GBP2: variants seen among roughly 807,000 people sequenced by gnomAD.
GBP2 encodes guanylate-binding protein 2.
Under a neutral mutation model 60.8 loss-of-function variants are expected in GBP2, and 54 were observed. The ratio of observed to expected loss-of-function variants is 0.89; its 90% CI spans 0.71 to 1.11. GBP2 has a LOEUF of 1.11. Among genes scored for constraint, GBP2 ranks in the 50% most tolerant of loss-of-function variants. The pLI is 0.00. For missense variants in GBP2, 665 were observed against 703.3 expected (o/e 0.95, Z 0.62); for synonymous variants, 243 against 256.5 (o/e 0.95, Z 0.50).
chr1:89,121,880 C>A lies in GBP2; in HGVS notation c.87G>T (p.Lys29Asn). 3.7e-6 allele frequency: 6 copies of A among 1,614,110 alleles called. No homozygotes were observed. Among genetic ancestry groups the A allele is most frequent in the Non-Finnish European group, 5.1e-6 (6 of 1,179,982 alleles). ...CAGGCTGCGTAATTGCAGATAGGATCTTCAGAGCTTCTGGATTCACCACCA... is the reference window on the plus strand; with the variant it reads ...CAGGCTGCGTAATTGCAGATAGGATATTCAGAGCTTCTGGATTCACCACCA... The part of the protein sequence containing the change: ...GQLVVNPEAL[K>N]ILSAITQPVV... Residue 29 changes from lysine (K) to asparagine (N), a missense_variant, in exon 2 of 11, where the codon AAG becomes AAT. Lys to Asn is a moderately conservative substitution (Grantham distance 94). Transcript: ENST00000370466.
chr1:89,114,112 C>A lies in GBP2; in HGVS notation c.1053G>T (p.Leu351=). Reference sequence around the variant, plus strand: ...TCTCACTGTCCCTGTGCAGGTCCAGCAGCTCCTGGAGGGTTTCCGTGGGCA... The same window carrying A: ...TCTCACTGTCCCTGTGCAGGTCCAGAAGCTCCTGGAGGGTTTCCGTGGGCA... The part of the protein sequence containing the change: ...VQLPTETLQE[L]LDLHRDSERE... The change falls in exon 7 of 11, where the codon CTG becomes CTT. Residue 351 remains leucine, a synonymous_variant. Transcript: ENST00000370466. 4 of 1,614,210 alleles carry A rather than the reference C, an allele frequency of 2.5e-6. No homozygotes were observed. The highest frequency in any genetic ancestry group is 3.4e-6 in the Non-Finnish European group (4 of 1,180,034).
intron 10 of GBP2, 104 bp downstream of exon 10, chr1:89,109,573 T>G (rs751335893): frequency 3.4e-5 from 30 of 872,038 alleles, no homozygotes; most frequent in Non-Finnish European, 5.2e-5. Context: ...TGTAGTAGTG[T>G]CTGGGCTAGA....
chr1:89,126,067 C>G lies in GBP2; in HGVS notation c.-222G>C, dbSNP rs950063444. ...GGCTCTGTCAATGTCAGAGACCTGA[C>G]GAGAGACAAGAAAAAGAGGTAACCT... On this transcript the variant is annotated 5_prime_UTR_variant, in exon 1 of 11. Coordinates refer to ENST00000370466, the MANE Select transcript of GBP2 (RefSeq NM_004120.5). 1 of 152,110 alleles carries G rather than the reference C, an allele frequency of 6.6e-6. No individual in the cohort carries two copies. Among genetic ancestry groups the G allele is most frequent in the African/African-American group, 2.4e-5 (1 of 41,398 alleles). The allele number at this position is 152,110 out of a possible 1,614,324, so 9.4% of individuals were successfully genotyped here.
Position 89,109,770 on chromosome 1 carries a change from A to G in GBP2, c.1566T>C (p.Tyr522=). The part of the protein sequence containing the change: ...EEMMEQKEKS[Y]QEHVKQLTEK... ...CAGTCAATTGTTTCACATGTTCCTG[A>G]TAACTCTTCTCTTTCTGTTCCATCA... is the stretch of plus-strand genomic sequence containing the variant. Residue 522 remains tyrosine (Y), a synonymous_variant, in exon 10 of 11, where the codon TAT becomes TAC. Transcript: ENST00000370466. The G allele has an allele frequency of 1.2e-6, 2 of 1,614,022 alleles. No homozygotes were observed. The highest frequency in any genetic ancestry group is 2.7e-5 in the African/African-American group (2 of 75,042).
intron 3 of GBP2, 98 bp from the exon 4 acceptor site, chr1:89,120,386 A>C: frequency 6.1e-6 from 6 of 985,996 alleles, no homozygotes; most frequent in East Asian, 2.4e-5. Flanking sequence ...TCTGTCTCTC[A>C]TTAGTTCTGA....
rs1681132868 is a variant in GBP2, at chr1:89,110,075, T to G, written c.1465+89A>C. 7.8e-6 allele frequency: 8 copies of G among 1,019,130 alleles called. No homozygotes were observed. In the South Asian group the frequency reaches 1.1e-4, roughly 14 times the overall value. 63.1% of individuals were successfully genotyped at this position (1,019,130 alleles called of 1,614,324 possible). A position where few individuals can be genotyped will look rare whatever the true frequency, so the allele number is the denominator to read the frequency against. ...TATGAATGATACTTGCCATTCTTTCTCTACAATAATAATTCCAGGTGGACC... is the reference window on the plus strand; with the variant it reads ...TATGAATGATACTTGCCATTCTTTCGCTACAATAATAATTCCAGGTGGACC... On this transcript the variant is annotated intron_variant, in intron 9 of 10. Coordinates refer to ENST00000370466, the MANE Select transcript of GBP2 (RefSeq NM_004120.5).
intron 6 of GBP2, among the ~76,000 whole-genome samples, chr1:89,115,101 C>G (rs1681242439): frequency 6.6e-6 from 1 of 152,154 alleles, no homozygotes; most frequent in Non-Finnish European, 1.5e-5. Context: ...ACTATTTCTC[C>G]TCTTGATGCT....
At chr1:89,115,322 G>A (rs959539752) in intron 6 of GBP2, among the ~76,000 whole-genome samples, 3 of 152,018 alleles carry the variant, frequency 2.0e-5, no homozygotes, top group Non-Finnish European at 4.4e-5. Context: ...CCCATTTATG[G>A]CTCAACCACT....
Position 89,117,672 on chromosome 1 carries a change from A to G in GBP2, c.530T>C (p.Val177Ala), listed in dbSNP as rs773661804. The G allele has an allele frequency of 6.2e-7, 1 of 1,614,112 alleles. No homozygotes were observed. Among genetic ancestry groups the G allele is most frequent in the East Asian group, 2.2e-5 (1 of 44,876 alleles). The change falls in exon 5 of 11, where the codon GTG becomes GCG. Residue 177 changes from valine (V) to alanine (A), a missense_variant. By Grantham distance (64) the Val-to-Ala change is moderately conservative. Transcript: ENST00000370466. ...CAGGGTGAAATCTCTGAGAGTCCAC[A>G]CAAATGCTGGAAAAAAGCTCACAAA... Reference protein sequence around the residue: ...ADFVSFFPAFVWTLRDFTLEL... With the variant: ...ADFVSFFPAFAWTLRDFTLEL...
intron 8 of GBP2, 33 bp from the exon 9 acceptor site, chr1:89,110,299 G>T (rs958436830): frequency 2.0e-5 from 31 of 1,527,970 alleles, no homozygotes; most frequent in Non-Finnish European, 2.6e-5. Flanking sequence ...AATGAAGAAA[G>T]AGTGATTGTG....
intron 10 of GBP2, 79 bp downstream of exon 10, chr1:89,109,597 AG>A: frequency 7.8e-7 from 1 of 1,283,042 alleles, no homozygotes; most frequent in Non-Finnish European, 1.1e-6. Flanking sequence ...TTTTTTTGGG[AG>A]GCATTAGGTT....
chr1:89,124,304 G>C (rs142724983), intron 1 of GBP2, among the ~76,000 whole-genome samples: 32 of 152,282 alleles, frequency 2.1e-4, no homozygotes, highest in Admixed American at 2.0e-3. Flanking sequence ...TATTTTGTTG[G>C]ATATTGCCAA....
rs776044606 is a variant in GBP2 at position 89,121,096 on chromosome 1, A to G, written c.318+47T>C. The G allele has an allele frequency of 5.9e-6, 9 of 1,532,440 alleles. No individual in the cohort carries two copies. In the South Asian group the frequency reaches 9.0e-5, roughly 15 times the overall value. 94.9% of individuals were successfully genotyped at this position (1,532,440 alleles called of 1,614,324 possible). A position where few individuals can be genotyped will look rare whatever the true frequency, so the allele number is the denominator to read the frequency against. On this transcript the variant is annotated intron_variant, in intron 3 of 10. Transcript: ENST00000370466. ...TATCGATCTGACCTGGTTTATGTAG[A>G]TTTTAATCTACCTAAGTGAAATTTT...
Position 89,107,179 on chromosome 1 carries a change from A to G in GBP2, c.*996T>C, listed in dbSNP as rs1681073543. 1 of 152,082 alleles carries G rather than the reference A, an allele frequency of 6.6e-6. No homozygotes were observed. The highest frequency in any genetic ancestry group is 2.4e-5 in the African/African-American group (1 of 41,392). The allele number at this position is 152,082 out of a possible 1,614,324, so 9.4% of individuals were successfully genotyped here. ...GTAGGATAATGTTTTGTATTAATGA[A>G]TTATTCTTGATTTTTCAATCTGTCA... On this transcript the variant is annotated 3_prime_UTR_variant, in exon 11 of 11. Coordinates refer to ENST00000370466, the MANE Select transcript of GBP2 (RefSeq NM_004120.5).
chr1:89,120,176 T>TA lies in GBP2; in HGVS notation c.428+2dup. The TA allele has an allele frequency of 6.2e-7, 1 of 1,607,830 alleles. No individual in the cohort carries two copies. The highest frequency in any genetic ancestry group is 8.5e-7 in the Non-Finnish European group (1 of 1,174,292). ...TGCTGTTCTGGACCACAAAAAAGGA[T>TA]ACTGAAGTTGGTCCATGGCCTGCTG... is the stretch of plus-strand genomic sequence containing the variant. On this transcript the variant is annotated splice_region_variant and intron_variant, in intron 4 of 10. Coordinates refer to ENST00000370466, the MANE Select transcript of GBP2 (RefSeq NM_004120.5).
chr1:89,117,340 T>A, intron 5 of GBP2, 106 bp from the exon 6 acceptor site: 1 of 1,059,928 alleles, frequency 9.4e-7, no homozygotes, highest in Non-Finnish European at 1.4e-6. Flanking sequence ...GGAAATTTAT[T>A]AGGAAGAAGA....
In GBP2 at chr1:89,125,983, C is replaced by T. The variant is rs956772965; in HGVS notation, c.-138G>A. On this transcript the variant is annotated 5_prime_UTR_variant, in exon 1 of 11. In the 5' UTR this introduces an upstream ATG that the reference lacks. Transcript: ENST00000370466. ...TGCTTTCTCCCTCTTTTTTCTCTCA[C>T]GGTAACTGTGGACTTTTACTTTACC... The T allele has an allele frequency of 6.6e-6, 1 of 152,244 alleles. No homozygotes were observed. Among genetic ancestry groups the T allele is most frequent in the Admixed American group, 6.6e-5 (1 of 15,266 alleles). 9.4% of individuals were successfully genotyped at this position (152,244 alleles called of 1,614,324 possible).
At chr1:89,122,025 G>T in intron 1 of GBP2, 42 bp from the exon 2 acceptor site, 3 of 1,470,428 alleles carry the variant, frequency 2.0e-6, no homozygotes, top group Non-Finnish European at 1.8e-6. Context: ...GCAGTTTTTA[G>T]GTAGTTAGCT....
Position 89,117,605 on chromosome 1 carries a change from G to A in GBP2, c.597C>T (p.Tyr199=). 2 of 1,613,984 alleles carry A rather than the reference G, an allele frequency of 1.2e-6. No homozygotes were observed. The highest frequency in any genetic ancestry group is 2.7e-5 in the African/African-American group (2 of 75,024). ...VDGEPITADD[Y]LELSLKLRKG... ...TTCTTAGCTTTAGCGAAAGCTCCAA[G>A]TAGTCATCAGCAGTGATGGGTTCTC... Residue 199 remains tyrosine (Y), a synonymous_variant, in exon 5 of 11, where the codon TAC becomes TAT. Coordinates refer to ENST00000370466, the MANE Select transcript of GBP2 (RefSeq NM_004120.5).
Sources: gnomAD v4.1 joint callset for allele counts (sites outside exome capture counted in the v4.1 genomes callset) on GRCh38, gnomAD v4.1.1 for gene constraint, MANE v1.5 for transcripts, NCBI Gene and HGNC (gene_info 2026-07-23, HGNC 2026-07-21) for gene names.